CAST: variants seen among roughly 807,000 people sequenced by gnomAD.
CAST encodes MIR583 host.
In CAST, 76 loss-of-function variants were observed where a neutral mutation model predicts 119.6. The observed-to-expected ratio is 0.64, with a 90% confidence interval of 0.53 to 0.77. CAST has a LOEUF of 0.77. CAST is among the 30% of genes least tolerant of loss of function. The pLI is 0.00. For synonymous variants in CAST, 319 were observed against 331.6 expected (o/e 0.96, Z 0.41); for missense variants, 953 against 946.5 (o/e 1.01, Z -0.09).
the CAST span, among the ~76,000 whole-genome samples, chr5:96,458,027 G>C: frequency 2.0e-5 from 3 of 152,122 alleles, no homozygotes; most frequent in African/African-American, 7.2e-5. Flanking sequence ...GACTTCATGG[G>C]TTAACAGCTC....
the CAST span, among the ~76,000 whole-genome samples, chr5:95,990,668 A>T: frequency 0.015 from 2,211 of 152,262 alleles, 57 homozygotes; most frequent in African/African-American, 0.051. Context: ...ACATTTAAAA[A>T]TGATTATGTG....
the CAST span, among the ~76,000 whole-genome samples, chr5:96,129,954 A>G: frequency 6.6e-6 from 1 of 151,578 alleles, no homozygotes; most frequent in Non-Finnish European, 1.5e-5. Flanking sequence ...TGAAATCGGT[A>G]TGCCAACTAT....
the CAST span, among the ~76,000 whole-genome samples, chr5:96,273,788 T>A: frequency 6.6e-6 from 1 of 152,188 alleles, no homozygotes; most frequent in East Asian, 1.9e-4. Context: ...TGTAGATATC[T>A]CTTCACTGGT....
the CAST span, chr5:96,432,893 G>A: frequency 1.9e-6 from 3 of 1,613,882 alleles, no homozygotes; most frequent in African/African-American, 4.0e-5. Context: ...CCAGCTCCTC[G>A]GCGATGGCCG....
At chr5:96,680,754 C>A (rs180995842) in intron 2 of CAST, among the ~76,000 whole-genome samples, 6 of 152,286 alleles carry the variant, frequency 3.9e-5, no homozygotes, top group Admixed American at 3.3e-4. Flanking sequence ...AAATTTACTT[C>A]TTATTCAAGA....
intron 2 of CAST, among the ~76,000 whole-genome samples, chr5:96,682,087 G>C (rs1482129766): frequency 3.3e-5 from 5 of 152,058 alleles, no homozygotes; most frequent in Admixed American, 3.3e-4. Flanking sequence ...CTTTATTATA[G>C]GTATGTATGT....
chr5:96,632,669 C>A (rs879550031), intron 1 of CAST, among the ~76,000 whole-genome samples: 1 of 73,072 alleles, frequency 1.4e-5, no homozygotes, highest in Non-Finnish European at 3.0e-5. Flanking sequence ...GTGGTCTCAG[C>A]GCTATTTGTC....
At chr5:96,678,680 T>C (rs1286274016) in intron 2 of CAST, among the ~76,000 whole-genome samples, 1 of 151,998 alleles carries the variant, frequency 6.6e-6, no homozygotes, top group Non-Finnish European at 1.5e-5. Context: ...CCATCTCTAC[T>C]AAAAATACCA....
At chr5:96,760,968 C>A (rs1398723533) in intron 24 of CAST, 1 of 151,922 alleles carries the variant, frequency 6.6e-6, no homozygotes, top group East Asian at 1.9e-4. Flanking sequence ...CAACTAAACA[C>A]TAGCATATGT....
At chr5:96,397,763 GGAA>G in the CAST span, among the ~76,000 whole-genome samples, 1 of 151,956 alleles carries the variant, frequency 6.6e-6, no homozygotes, top group African/African-American at 2.4e-5. Context: ...ATTTAAATAA[GGAA>G]AACTCGGCGA....
At chr5:96,663,415 T>A (rs1365824046) in intron 1 of CAST, among the ~76,000 whole-genome samples, 1 of 152,214 alleles carries the variant, frequency 6.6e-6, no homozygotes, top group East Asian at 1.9e-4. Context: ...CTCGCCCCGA[T>A]GTCAAGCACT....
chr5:96,466,066 T>A, the CAST span, among the ~76,000 whole-genome samples: 3 of 151,958 alleles, frequency 2.0e-5, no homozygotes, highest in South Asian at 2.1e-4. Flanking sequence ...CACAATATAC[T>A]TACTTGTTTT....
the CAST span, among the ~76,000 whole-genome samples, chr5:96,348,737 G>C: frequency 6.6e-6 from 1 of 152,086 alleles, no homozygotes; most frequent in East Asian, 1.9e-4. Context: ...TGGCAATGAG[G>C]AAGACAGAGA....
the CAST span, among the ~76,000 whole-genome samples, chr5:96,331,344 G>A: frequency 1.3e-5 from 2 of 152,206 alleles, no homozygotes; most frequent in Middle Eastern, 3.2e-3. Flanking sequence ...ACCGAAGGAG[G>A]AGGTAGGAGA....
the CAST span, among the ~76,000 whole-genome samples, chr5:96,059,584 C>T: frequency 6.6e-6 from 1 of 151,950 alleles, no homozygotes; most frequent in African/African-American, 2.4e-5. Flanking sequence ...CTGTGGCTTC[C>T]TGTTAAGGGA....
At position 96,685,898 on chromosome 5, in the gene CAST, T is replaced by A. The variant is rs557341666; in HGVS notation, c.139-9938T>A. On this transcript the variant is annotated intron_variant, in intron 2 of 31. Transcript: ENST00000675179. ...TTGAGTAACACTGAAATAATTCTTG[T>A]GGAGTGCATAGCATGGTGCGTAGCA... Among the ~76,000 whole-genome samples the A allele has an allele frequency of 9.2e-5, 14 of 152,378 alleles. 1 individual carries two copies. The highest frequency in any genetic ancestry group is 2.9e-4 in the African/African-American group (12 of 41,602).
At chr5:96,549,734 T>C (rs931466523) in intron 1 of CAST, among the ~76,000 whole-genome samples, 2 of 152,256 alleles carry the variant, frequency 1.3e-5, no homozygotes, top group Admixed American at 6.5e-5. Context: ...CAGACCAGGA[T>C]ATCCCCTTCT....
At chr5:95,984,028 C>T in the CAST span, among the ~76,000 whole-genome samples, 11 of 152,216 alleles carry the variant, frequency 7.2e-5, no homozygotes, top group Middle Eastern at 3.4e-3. Flanking sequence ...ATACTCCTGC[C>T]CCAACATACA....
At chr5:96,692,697 G>A (rs1039178275) in intron 2 of CAST, among the ~76,000 whole-genome samples, 2 of 152,076 alleles carry the variant, frequency 1.3e-5, no homozygotes, top group African/African-American at 4.8e-5. Context: ...CATCCATCCT[G>A]TCTGAAGCAA....
Sources: gnomAD v4.1 joint callset for allele counts (sites outside exome capture counted in the v4.1 genomes callset) on GRCh38, gnomAD v4.1.1 for gene constraint, MANE v1.5 for transcripts, NCBI Gene and HGNC (gene_info 2026-07-23, HGNC 2026-07-21) for gene names.